ITGBL1: variants seen among roughly 807,000 people sequenced by gnomAD.
ITGBL1 encodes the protein integrin beta-like protein 1.
ITGBL1 carries 51 observed loss-of-function variants against 68.5 expected under a neutral mutation model. The observed-to-expected ratio is 0.74, with a 90% CI of 0.59 to 0.94. ITGBL1 has a LOEUF of 0.94. Among genes scored for constraint, ITGBL1 ranks in the 40% least tolerant of loss-of-function variants. The pLI is 0.00. For missense variants in ITGBL1, 649 were observed against 647.4 expected, an observed-to-expected ratio of 1.00 and a Z score of -0.03; for synonymous variants, 209 against 227.3, an observed-to-expected ratio of 0.92 and a Z score of 0.72.
intron 7 of ITGBL1, among the ~76,000 whole-genome samples, chr13:101,640,511 A>G (rs1019380050): frequency 3.9e-5 from 6 of 152,074 alleles, no homozygotes; most frequent in African/African-American, 1.4e-4. Flanking sequence ...ATATTTTTTT[A>G]CTTCTAGAAG....
chr13:101,571,368 C>A (rs964844251), intron 3 of ITGBL1, among the ~76,000 whole-genome samples: 4 of 152,180 alleles, frequency 2.6e-5, no homozygotes, highest in African/African-American at 9.6e-5. Flanking sequence ...AGTCGAATGA[C>A]GTGTTCATAA....
chr13:101,544,672 C>A (rs1308893032), intron 2 of ITGBL1, among the ~76,000 whole-genome samples: 2 of 152,202 alleles, frequency 1.3e-5, no homozygotes, highest in Non-Finnish European at 2.9e-5. Context: ...CAGAGACAGG[C>A]AGGCCTCCTT....
At chr13:101,580,981 A>G (rs1429043852) in intron 5 of ITGBL1, among the ~76,000 whole-genome samples, 1 of 152,122 alleles carries the variant, frequency 6.6e-6, no homozygotes, top group African/African-American at 2.4e-5. Flanking sequence ...GTACTTGAAG[A>G]CAGGGCAGAA....
intron 7 of ITGBL1, among the ~76,000 whole-genome samples, chr13:101,634,847 G>A (rs2032112030): frequency 6.6e-6 from 1 of 151,904 alleles, no homozygotes; most frequent in Admixed American, 6.6e-5. Context: ...CAAGAGGAAG[G>A]GGTGAATGAA....
At chr13:101,681,577 C>G (rs1469992461) in intron 7 of ITGBL1, among the ~76,000 whole-genome samples, 1 of 152,108 alleles carries the variant, frequency 6.6e-6, no homozygotes. Context: ...TCTTGTCTCC[C>G]CATCCAAGAT....
intron 7 of ITGBL1, among the ~76,000 whole-genome samples, chr13:101,657,709 AT>A (rs1302718749): frequency 2.0e-5 from 3 of 152,200 alleles, no homozygotes; most frequent in East Asian, 1.9e-4. Flanking sequence ...TCATAAATCT[AT>A]TTGATTTACA....
At chr13:101,654,134 A>C (rs1045791694) in intron 7 of ITGBL1, among the ~76,000 whole-genome samples, 2 of 152,158 alleles carry the variant, frequency 1.3e-5, no homozygotes, top group African/African-American at 2.4e-5. Flanking sequence ...TGCCGATTTC[A>C]GGAACGAAAA....
At chr13:101,567,910 T>C in intron 3 of ITGBL1, 65 bp downstream of exon 3, 1 of 1,320,272 alleles carries the variant, frequency 7.6e-7, no homozygotes. Context: ...AATGGAAATA[T>C]GTGGGCGTGG....
intron 2 of ITGBL1, among the ~76,000 whole-genome samples, chr13:101,498,615 C>T (rs1441249412): frequency 6.6e-6 from 1 of 152,062 alleles, no homozygotes; most frequent in Admixed American, 6.6e-5. Context: ...TGTCATCAAG[C>T]ATTCAGTTTA....
At chr13:101,508,296 C>T (rs1327017521) in intron 2 of ITGBL1, among the ~76,000 whole-genome samples, 2 of 152,132 alleles carry the variant, frequency 1.3e-5, no homozygotes, top group African/African-American at 4.8e-5. Context: ...GATCAATTCA[C>T]CAAAAGTTGT....
intron 2 of ITGBL1, among the ~76,000 whole-genome samples, chr13:101,559,521 A>T (rs1202839034): frequency 6.6e-6 from 1 of 152,220 alleles, no homozygotes; most frequent in African/African-American, 2.4e-5. Flanking sequence ...AATTCTAAGC[A>T]TGTGTGTTTC....
intron 8 of ITGBL1, among the ~76,000 whole-genome samples, chr13:101,705,347 T>A (rs2034237795): frequency 7.0e-6 from 1 of 143,638 alleles, no homozygotes; most frequent in East Asian, 2.1e-4. Context: ...CAAGAAACCC[T>A]CTCCAGGAGA....
chr13:101,720,516 T>A (rs915843747), downstream of ITGBL1: 1 of 146,356 alleles, frequency 6.8e-6, no homozygotes, highest in African/African-American at 2.5e-5. Context: ...AACAAATAGA[T>A]GGGGGTGTTT....
chr13:101,453,613 A>T (rs1321004980), intron 1 of ITGBL1, among the ~76,000 whole-genome samples: 2 of 152,228 alleles, frequency 1.3e-5, no homozygotes, highest in Non-Finnish European at 2.9e-5. Context: ...ACCTCTGTCC[A>T]CCTGGAGGAA....
chr13:101,479,003 C>G (rs1233025434), intron 2 of ITGBL1, among the ~76,000 whole-genome samples: 1 of 151,960 alleles, frequency 6.6e-6, no homozygotes, highest in Admixed American at 6.6e-5. Context: ...ATAACCAAAG[C>G]CATCTTGAGC....
At chr13:101,718,820 T>A (rs1204931177), downstream of ITGBL1, 1 of 152,014 alleles carries the variant, frequency 6.6e-6, no homozygotes, top group Non-Finnish European at 1.5e-5. Context: ...AGCCTTAGTT[T>A]GCAGACTCAA....
At chr13:101,593,564 T>C (rs2050693872) in intron 6 of ITGBL1, among the ~76,000 whole-genome samples, 1 of 152,022 alleles carries the variant, frequency 6.6e-6, no homozygotes, top group African/African-American at 2.4e-5. Flanking sequence ...GTGGTATATA[T>C]ACACAATGGA....
intron 2 of ITGBL1, among the ~76,000 whole-genome samples, chr13:101,566,204 T>C (rs1318599767): frequency 6.6e-6 from 1 of 152,158 alleles, no homozygotes; most frequent in Non-Finnish European, 1.5e-5. Context: ...CAATTCCATA[T>C]GGTTCAACCA....
At chr13:101,523,751 A>G (rs776237181) in intron 2 of ITGBL1, among the ~76,000 whole-genome samples, 3 of 152,156 alleles carry the variant, frequency 2.0e-5, no homozygotes, top group Non-Finnish European at 2.9e-5. Flanking sequence ...GTGACTGCAG[A>G]AAAAAAATTA....
Sources: allele counts gnomAD v4.1 joint callset (sites outside exome capture counted in the v4.1 genomes callset), GRCh38; gene constraint gnomAD v4.1.1; transcripts MANE v1.5; gene names NCBI Gene and HGNC (gene_info 2026-07-23, HGNC 2026-07-21).